ADD2: variants seen among roughly 807,000 people sequenced by gnomAD.
ADD2 encodes adducin 2.
A neutral mutation model predicts 83.0 loss-of-function variants in ADD2; 23 were observed. The observed-to-expected ratio is 0.28, with a 90% confidence interval of 0.20 to 0.39. The LOEUF is 0.39. Among genes scored for constraint, ADD2 ranks in the 10% least tolerant of loss-of-function variants. ADD2 has a pLI of 1.00. For missense variants in ADD2, 758 were observed against 944.9 expected (o/e 0.80, Z 2.59); for synonymous variants, 375 against 375.4 (o/e 1.00, Z 0.01).
chr2:70,761,591 GAAAAA>G (rs78804683), intron 1 of ADD2, among the ~76,000 whole-genome samples: 1 of 39,870 alleles, frequency 2.5e-5, no homozygotes, highest in Non-Finnish European at 5.5e-5. Flanking sequence ...CTGGGTGACA[GAAAAA>G]AAAAAAAAAA....
chr2:70,688,852 T>C (rs1670877621), intron 8 of ADD2, among the ~76,000 whole-genome samples: 2 of 152,126 alleles, frequency 1.3e-5, no homozygotes, highest in South Asian at 4.2e-4. Flanking sequence ...ATCCCAGCAC[T>C]TTGGGAGGCT....
At chr2:70,747,829 A>G (rs1674307151) in intron 1 of ADD2, among the ~76,000 whole-genome samples, 1 of 152,242 alleles carries the variant, frequency 6.6e-6, no homozygotes. Context: ...TGGAAATTTG[A>G]AAACAAATTG....
At chr2:70,683,790 C>T (rs1296008556) in intron 9 of ADD2, 23 bp from the exon 10 acceptor site, 2 of 1,598,988 alleles carry the variant, frequency 1.3e-6, no homozygotes, top group Non-Finnish European at 8.6e-7. Flanking sequence ...GCAGAGAGCC[C>T]TCAGCCCATG....
intron 1 of ADD2, among the ~76,000 whole-genome samples, chr2:70,758,826 A>T (rs1674934086): frequency 6.6e-6 from 1 of 152,078 alleles, no homozygotes; most frequent in Admixed American, 6.6e-5. Context: ...TAAACTATGG[A>T]TGGAGGAAGA....
At chr2:70,713,312 G>T in intron 1 of ADD2, 128 bp from the exon 2 acceptor site, 1 of 327,566 alleles carries the variant, frequency 3.1e-6, no homozygotes, top group Non-Finnish European at 4.4e-6. Context: ...AGCAAATTAT[G>T]CCTTTAAAAA....
rs1671311847 is a variant in ADD2, at chr2:70,696,327, C to T, written c.392G>A (p.Arg131Gln). ...ACTGCTGATCTTGCACCGCATGAGCCGCTCCCCTTTGGCCAGGTTCAGGGA... is the reference window on the plus strand; with the variant it reads ...ACTGCTGATCTTGCACCGCATGAGCTGCTCCCCTTTGGCCAGGTTCAGGGA... Reference protein sequence around the residue: ...ADSLNLAKGERLMRCKISSVY... With the variant: ...ADSLNLAKGEQLMRCKISSVY... Residue 131 changes from arginine (R) to glutamine (Q), a missense_variant, in exon 5 of 16, where the codon CGG (arginine) becomes CAG (glutamine). Arg to Gln is a conservative substitution (Grantham distance 43). Coordinates refer to ENST00000264436, the MANE Select transcript of ADD2 (RefSeq NM_001617.4). 5 of 1,614,070 alleles carry T rather than the reference C, an allele frequency of 3.1e-6. No homozygotes were observed. Among genetic ancestry groups the T allele is most frequent in the East Asian group, 2.2e-5 (1 of 44,876 alleles).
rs1553370058 is a variant in ADD2 at position 70,683,781 on chromosome 2, CAG to C, written c.949-16_949-15del. 3 of 1,602,816 alleles carry C rather than the reference CAG, an allele frequency of 1.9e-6. No homozygotes were observed. The East Asian group carries it at 6.7e-5, about 36-fold the overall frequency. ...CAGAGCCGACACCTGTAGCAAAGAGCAGAGAGCCCTCAGCCCATGTGCACATG... is the reference window on the plus strand; with the variant it reads ...CAGAGCCGACACCTGTAGCAAAGAGCAGAGCCCTCAGCCCATGTGCACATG... On this transcript the variant is annotated splice_polypyrimidine_tract_variant and intron_variant, in intron 9 of 15. Coordinates refer to ENST00000264436, the MANE Select transcript of ADD2 (RefSeq NM_001617.4).
intron 12 of ADD2, among the ~76,000 whole-genome samples, 193 bp from the exon 13 acceptor site, chr2:70,677,078 T>G (rs954028726): frequency 3.9e-5 from 6 of 152,120 alleles, no homozygotes; most frequent in African/African-American, 1.4e-4. Flanking sequence ...TAGCAATTTA[T>G]GTAAAGCACC....
chr2:70,718,559 T>G (rs1553376814), intron 1 of ADD2, among the ~76,000 whole-genome samples: 1 of 152,230 alleles, frequency 6.6e-6, no homozygotes, highest in Non-Finnish European at 1.5e-5. Flanking sequence ...ACTGGAAACC[T>G]TGGGTGCACA....
rs1675438745 is a variant in ADD2 at position 70,658,667 on chromosome 2, G to A, written c.*4758C>T. On this transcript the variant is annotated 3_prime_UTR_variant, in exon 16 of 16. Coordinates refer to ENST00000264436, the MANE Select transcript of ADD2 (RefSeq NM_001617.4). Reference sequence around the variant, plus strand: ...TAGAGTTCAACTGAGCTCCAGTGATGAGAGAGAATGTAAAAAGACCTGTTT... The same window carrying A: ...TAGAGTTCAACTGAGCTCCAGTGATAAGAGAGAATGTAAAAAGACCTGTTT... 6.6e-6 allele frequency: 1 copy of A among 152,116 alleles called. No individual in the cohort carries two copies. Among genetic ancestry groups the A allele is most frequent in the Non-Finnish European group, 1.5e-5 (1 of 68,026 alleles). 9.4% of individuals were successfully genotyped at this position (152,116 alleles called of 1,614,324 possible).
At chr2:70,675,168 CCCAAAGCCAGTCAG>C in intron 13 of ADD2, 1 of 1,027,992 alleles carries the variant, frequency 9.7e-7, no homozygotes, top group Non-Finnish European at 1.2e-6. Flanking sequence ...CAGTTGGTGG[CCCAAAGCCAGTCAG>C]CCAAAGCCCA....
rs554303097 is a variant in ADD2, at chr2:70,711,688, G to A, written c.-35+1378C>T. Among the ~76,000 whole-genome samples, 10 of 152,316 alleles carry A rather than the reference G, an allele frequency of 6.6e-5. No individual in the cohort carries two copies. The East Asian group carries it at 1.7e-3, about 26-fold the overall frequency. On this transcript the variant is annotated intron_variant, in intron 2 of 15. Coordinates refer to ENST00000264436, the MANE Select transcript of ADD2 (RefSeq NM_001617.4). ...CCTGGATTCCACAGGAGAGAGCACG[G>A]AAGCTCTGTGCGCCCCACCTTACAC...
intron 1 of ADD2, among the ~76,000 whole-genome samples, chr2:70,717,163 G>A (rs1280755556): frequency 1.3e-5 from 2 of 152,008 alleles, no homozygotes; most frequent in African/African-American, 4.8e-5. Context: ...CCCCTCAGCA[G>A]AGTCCCTGCT....
intron 4 of ADD2, among the ~76,000 whole-genome samples, chr2:70,699,397 G>C (rs1553373217): frequency 6.6e-6 from 1 of 152,036 alleles, no homozygotes; most frequent in East Asian, 1.9e-4. Flanking sequence ...AATGTTTGGC[G>C]ACCTAAAAAG....
intron 1 of ADD2, among the ~76,000 whole-genome samples, chr2:70,761,552 G>A (rs1675093646): frequency 7.4e-6 from 1 of 134,510 alleles, no homozygotes; most frequent in Middle Eastern, 4.6e-3. Flanking sequence ...AGGTTGCAGT[G>A]AGATGAGATT....
intron 2 of ADD2, among the ~76,000 whole-genome samples, chr2:70,709,350 A>G (rs1216877445): frequency 6.6e-6 from 1 of 152,146 alleles, no homozygotes; most frequent in African/African-American, 2.4e-5. Context: ...AGATTCTGTA[A>G]AGAAAGATTT....
rs72899629 is a variant in ADD2, at chr2:70,661,789, C to T, written c.*1636G>A. The stretch of plus-strand genomic sequence containing the variant: ...CAAATCCTGGATGAAAACCACCACC[C>T]CTGGGGATTAAAGTTGTCTGTTCAC... On this transcript the variant is annotated 3_prime_UTR_variant, in exon 16 of 16. Coordinates refer to ENST00000264436, the MANE Select transcript of ADD2 (RefSeq NM_001617.4). The T allele has an allele frequency of 1.6e-3, 239 of 152,304 alleles. No homozygotes were observed. The highest frequency in any genetic ancestry group is 5.6e-3 in the African/African-American group (231 of 41,558). The allele number at this position is 152,304 out of a possible 1,614,324, so 9.4% of individuals were successfully genotyped here.
At chr2:70,711,362 AG>A (rs1672166904) in intron 2 of ADD2, 1 of 152,094 alleles carries the variant, frequency 6.6e-6, no homozygotes, top group African/African-American at 2.4e-5. Context: ...CTTGGTTTCA[AG>A]GAAGGGTCTA....
At chr2:70,704,554 C>G (rs1671792320) in intron 3 of ADD2, 95 bp from the exon 4 acceptor site, 2 of 1,506,264 alleles carry the variant, frequency 1.3e-6, no homozygotes, top group African/African-American at 2.7e-5. Context: ...GCCCCTGGGT[C>G]AGCTAGGTCA....
Sources: gnomAD v4.1 joint callset for allele counts (sites outside exome capture counted in the v4.1 genomes callset) on GRCh38, gnomAD v4.1.1 for gene constraint, MANE v1.5 for transcripts, NCBI Gene and HGNC (gene_info 2026-07-23, HGNC 2026-07-21) for gene names.